SFXN5: variants seen among roughly 807,000 people sequenced by gnomAD.
SFXN5 encodes the protein sideroflexin 5.
SFXN5 carries 43 observed loss-of-function variants against 50.2 expected under a neutral mutation model. That is an observed-to-expected ratio of 0.86 (90% CI 0.67 to 1.11). The LOEUF is 1.11. SFXN5 is among the 50% of genes least tolerant of loss of function. SFXN5 has a pLI of 0.00. For synonymous variants in SFXN5, 203 were observed against 185.8 expected, an observed-to-expected ratio of 1.09 and a Z score of -0.75; for missense variants, 463 against 454.1, an observed-to-expected ratio of 1.02 and a Z score of -0.18.
intron 9 of SFXN5, among the ~76,000 whole-genome samples, chr2:72,995,923 G>A (rs1673165104): frequency 6.6e-6 from 1 of 152,202 alleles, no homozygotes; most frequent in South Asian, 2.1e-4. Context: ...GTGTGAAGAC[G>A]TCAGGCGGAG....
At chr2:72,951,220 A>C (rs1329143387) in intron 13 of SFXN5, among the ~76,000 whole-genome samples, 1 of 152,138 alleles carries the variant, frequency 6.6e-6, no homozygotes, top group Non-Finnish European at 1.5e-5. Context: ...CAGAACCTGC[A>C]CACCAGCTCC....
At chr2:72,970,783 G>A (rs12994696) in intron 11 of SFXN5, among the ~76,000 whole-genome samples, 47,926 of 151,664 alleles carry the variant, frequency 0.32, 7,786 homozygotes, top group South Asian at 0.41. Flanking sequence ...TACCCCCCGG[G>A]TTCAAGCAAT....
At chr2:72,978,004 GA>G (rs60752756) in intron 10 of SFXN5, among the ~76,000 whole-genome samples, 45,153 of 127,382 alleles carry the variant, frequency 0.35, 8,913 homozygotes, top group African/African-American at 0.58. Context: ...AAAGAATAAG[GA>G]AAAAAAAAAA....
chr2:72,986,829 C>T (rs940227302), intron 10 of SFXN5, among the ~76,000 whole-genome samples: 3 of 152,160 alleles, frequency 2.0e-5, no homozygotes, highest in Non-Finnish European at 2.9e-5. Flanking sequence ...TCAGCAAAGA[C>T]GCAGCTGAAA....
chr2:72,998,263 A>AAG (rs1314576994), intron 9 of SFXN5: 6 of 152,142 alleles, frequency 3.9e-5, no homozygotes, highest in African/African-American at 1.4e-4. Context: ...AAGCATGCAG[A>AAG]AGGTCCTGGC....
At chr2:73,068,664 C>A (rs1405320688) in intron 1 of SFXN5, among the ~76,000 whole-genome samples, 2 of 152,018 alleles carry the variant, frequency 1.3e-5, no homozygotes, top group African/African-American at 4.8e-5. Flanking sequence ...CTCTTAACTG[C>A]CAGGCACTGT....
chr2:72,981,957 C>G (rs538883416), intron 10 of SFXN5, among the ~76,000 whole-genome samples: 23 of 134,758 alleles, frequency 1.7e-4, no homozygotes, highest in African/African-American at 6.0e-4. Flanking sequence ...GCCCTTATCA[C>G]TGGAACTTTG....
At chr2:73,062,132 G>A (rs114255091) in intron 1 of SFXN5, among the ~76,000 whole-genome samples, 2,115 of 152,158 alleles carry the variant, frequency 0.014, 45 homozygotes, top group African/African-American at 0.048. Context: ...ATAAAATAAA[G>A]TAAAACATGA....
At chr2:73,066,716 T>A (rs990226921) in intron 1 of SFXN5, among the ~76,000 whole-genome samples, 1 of 151,222 alleles carries the variant, frequency 6.6e-6, no homozygotes, top group Non-Finnish European at 1.5e-5. Flanking sequence ...TAAGAATTAA[T>A]GGGCCAGGCA....
chr2:72,958,705 C>CT (rs1472003731), intron 13 of SFXN5, among the ~76,000 whole-genome samples: 2 of 130 alleles, frequency 0.015, no homozygotes, highest in African/African-American at 0.091. Context: ...GAAATACCCG[C>CT]CTTCCCTCTT....
chr2:73,052,356 ATGCGTGTGTGTG>A (rs1681459927), intron 2 of SFXN5, among the ~76,000 whole-genome samples: 1 of 74,534 alleles, frequency 1.3e-5, no homozygotes, highest in Admixed American at 1.2e-4. Flanking sequence ...GTGTGTGTGT[ATGCGTGTGTGTG>A]TGTGTGTGTG....
Position 72,998,970 on chromosome 2 carries a change from G to T in SFXN5, c.513C>A (p.Val171=). 6.2e-7 allele frequency: 1 copy of T among 1,614,156 alleles called. No homozygotes were observed. Among genetic ancestry groups the T allele is most frequent in the Non-Finnish European group, 8.5e-7 (1 of 1,180,012 alleles). The change falls in exon 9 of 14, where the codon GTC becomes GTA. Residue 171 remains valine (V), a synonymous_variant. Coordinates refer to ENST00000272433, the MANE Select transcript of SFXN5 (RefSeq NM_144579.3). ...SKFIQGYLGA[V]ISAVSIAVGL... The stretch of plus-strand genomic sequence containing the variant: ...TCACAGCAATGGAGACGGCGCTGAT[G>T]ACAGCTCCCAGGTATCCCTGGATGA...
chr2:73,059,328 G>C lies in SFXN5; in HGVS notation c.103-732C>G, dbSNP rs1338260569. On this transcript the variant is annotated intron_variant, in intron 1 of 13. Coordinates refer to ENST00000272433, the MANE Select transcript of SFXN5 (RefSeq NM_144579.3). ...TGAGCTCAAGGGGAAGACAGAGGGT[G>C]CCAAGCTCGGGGATGAAGGGGAAGC... 4.1e-6 allele frequency: 4 copies of C among 985,586 alleles called. No homozygotes were observed. The East Asian group carries it at 4.5e-4, about 112-fold the overall frequency. 61.1% of individuals were successfully genotyped at this position (985,586 alleles called of 1,614,324 possible). A position where few individuals can be genotyped will look rare whatever the true frequency, so the allele number is the denominator to read the frequency against.
intron 2 of SFXN5, chr2:73,049,089 A>G (rs1032790318): frequency 3.3e-5 from 5 of 152,246 alleles, no homozygotes; most frequent in Non-Finnish European, 5.9e-5. Flanking sequence ...CTGTGCTGCT[A>G]TAACAGAATG....
rs546635100 is a variant in SFXN5 at position 72,957,268 on chromosome 2, T to G, written c.945+3863A>C. ...GGGGCATTAGGAAGACTTAATACAG[T>G]AAGGTACACCGAGCTCCCAGCATGC... On this transcript the variant is annotated intron_variant, in intron 13 of 13. Transcript: ENST00000272433. Among the ~76,000 whole-genome samples, 4 of 152,286 alleles carry G rather than the reference T, an allele frequency of 2.6e-5. No individual in the cohort carries two copies. In the South Asian group the frequency reaches 8.3e-4, roughly 32 times the overall value.
At chr2:72,956,976 T>A (rs1290105748) in intron 13 of SFXN5, 1 of 456,522 alleles carries the variant, frequency 2.2e-6, no homozygotes, top group Non-Finnish European at 4.4e-6. Flanking sequence ...CCCTCTGCAC[T>A]CACCCACTCT....
At chr2:73,022,673 G>T in intron 4 of SFXN5, 97 bp from the exon 5 acceptor site, 1 of 756,900 alleles carries the variant, frequency 1.3e-6, no homozygotes, top group East Asian at 2.7e-5. Context: ...AGAGGCATTA[G>T]GGGAGGAAGA....
intron 12 of SFXN5, among the ~76,000 whole-genome samples, chr2:72,966,503 T>C (rs1674420981): frequency 6.6e-6 from 1 of 152,154 alleles, no homozygotes; most frequent in Admixed American, 6.5e-5. Context: ...TGTTGCAAAC[T>C]TCCATACCAT....
chr2:72,976,687 T>C (rs1414920095), intron 10 of SFXN5, among the ~76,000 whole-genome samples: 3 of 152,314 alleles, frequency 2.0e-5, no homozygotes, highest in African/African-American at 4.8e-5. Context: ...TCTGTGGTAC[T>C]AAAGAAAGTG....
Sources: allele counts gnomAD v4.1 joint callset (sites outside exome capture counted in the v4.1 genomes callset), GRCh38; gene constraint gnomAD v4.1.1; transcripts MANE v1.5; gene names NCBI Gene and HGNC (gene_info 2026-07-23, HGNC 2026-07-21).